ZNF475: variants seen among roughly 807,000 people sequenced by gnomAD.
ZNF475 encodes zinc finger protein 475.
the ZNF475 span, chr5:122,179,543 C>T: frequency 6.9e-7 from 1 of 1,458,142 alleles, no homozygotes; most frequent in South Asian, 1.3e-5. Context: ...TTTTATGTTA[C>T]TTGCAGCCAA....
the ZNF475 span, chr5:122,160,195 C>A: frequency 1.1e-5 from 14 of 1,288,444 alleles, no homozygotes; most frequent in Non-Finnish European, 1.4e-5. Flanking sequence ...TGGTGCCAAC[C>A]ATGCCTGCAT....
At chr5:122,164,711 C>T in the ZNF475 span, among the ~76,000 whole-genome samples, 3 of 152,128 alleles carry the variant, frequency 2.0e-5, no homozygotes, top group African/African-American at 7.2e-5. Context: ...ACCAAAAGTC[C>T]AGGATCCTAG....
chr5:122,175,329 C>G, the ZNF475 span, among the ~76,000 whole-genome samples: 455 of 152,264 alleles, frequency 3.0e-3, 2 homozygotes, highest in Middle Eastern at 0.01. Context: ...TAGGCTGATT[C>G]TAAGACATAC....
chr5:122,179,759 C>G, the ZNF475 span: 6 of 1,431,394 alleles, frequency 4.2e-6, no homozygotes, highest in Non-Finnish European at 5.5e-6. Context: ...GATTTGAGTG[C>G]ATAAGGGGAG....
the ZNF475 span, among the ~76,000 whole-genome samples, chr5:122,176,427 T>C: frequency 2.6e-5 from 4 of 152,174 alleles, no homozygotes; most frequent in African/African-American, 9.7e-5. Flanking sequence ...CAGAACAAAA[T>C]CAATGTTTTT....
the ZNF475 span, among the ~76,000 whole-genome samples, chr5:122,164,191 G>T: frequency 6.6e-6 from 1 of 152,124 alleles, no homozygotes; most frequent in Admixed American, 6.5e-5. Flanking sequence ...TGAGGAGAGG[G>T]ATTAGAAAAA....
the ZNF475 span, among the ~76,000 whole-genome samples, chr5:122,164,726 G>A: frequency 6.6e-6 from 1 of 152,152 alleles, no homozygotes; most frequent in African/African-American, 2.4e-5. Context: ...TCCTAGGGAG[G>A]CTGCACATCT....
the ZNF475 span, chr5:122,180,129 T>C: frequency 6.5e-6 from 1 of 152,896 alleles, no homozygotes; most frequent in South Asian, 2.1e-4. Flanking sequence ...TTTCCAAATA[T>C]GAATGTGTCT....
the ZNF475 span, chr5:122,182,625 C>A: frequency 2.6e-6 from 4 of 1,534,834 alleles, no homozygotes; most frequent in Non-Finnish European, 3.5e-6. Flanking sequence ...ATCTTGTAAA[C>A]CCAAAGCCGC....
chr5:122,178,762 G>A, the ZNF475 span, among the ~76,000 whole-genome samples: 5 of 152,038 alleles, frequency 3.3e-5, no homozygotes, highest in Non-Finnish European at 5.9e-5. Context: ...TGTCCATTTT[G>A]GCTTTTGTTG....
chr5:122,173,123 CT>C, the ZNF475 span, among the ~76,000 whole-genome samples: 16 of 152,012 alleles, frequency 1.1e-4, no homozygotes, highest in Non-Finnish European at 1.9e-4. Context: ...TTCATCATGT[CT>C]TTTATTAAAA....
At chr5:122,166,404 G>T in the ZNF475 span, among the ~76,000 whole-genome samples, 3 of 151,518 alleles carry the variant, frequency 2.0e-5, no homozygotes, top group African/African-American at 7.3e-5. Flanking sequence ...GTGCAGGTTT[G>T]TTACATATGT....
At chr5:122,160,216 C>T in the ZNF475 span, 23 of 1,289,594 alleles carry the variant, frequency 1.8e-5, no homozygotes, top group Non-Finnish European at 2.2e-5. Context: ...ATCAGGGCAG[C>T]ATTCTATGAT....
chr5:122,162,674 T>C, the ZNF475 span, among the ~76,000 whole-genome samples: 1 of 152,106 alleles, frequency 6.6e-6, no homozygotes, highest in Non-Finnish European at 1.5e-5. Context: ...CCTTTGCCTT[T>C]TAGCACCTTC....
At chr5:122,160,542 A>G in the ZNF475 span, among the ~76,000 whole-genome samples, 1 of 152,296 alleles carries the variant, frequency 6.6e-6, no homozygotes, top group East Asian at 1.9e-4. Context: ...AGACACTGTG[A>G]TAGATACAAC....
chr5:122,176,741 T>C, the ZNF475 span, among the ~76,000 whole-genome samples: 1 of 152,192 alleles, frequency 6.6e-6, no homozygotes, highest in Admixed American at 6.5e-5. Flanking sequence ...GTTTGGAGCT[T>C]GGAGGCTTTT....
At chr5:122,170,578 C>T in the ZNF475 span, among the ~76,000 whole-genome samples, 1 of 152,292 alleles carries the variant, frequency 6.6e-6, no homozygotes, top group South Asian at 2.1e-4. Context: ...GGGGTCACCA[C>T]ACTCCCAGCA....
chr5:122,177,488 T>C, the ZNF475 span, among the ~76,000 whole-genome samples: 1 of 152,210 alleles, frequency 6.6e-6, no homozygotes, highest in African/African-American at 2.4e-5. Flanking sequence ...AATCAATCAA[T>C]ATTAAATGAG....
the ZNF475 span, among the ~76,000 whole-genome samples, chr5:122,165,619 C>G: frequency 1.3e-4 from 20 of 152,100 alleles, 1 homozygote; most frequent in Non-Finnish European, 1.5e-5. Flanking sequence ...GCAGGATGTT[C>G]TATTACCTCT....
Sources: allele counts gnomAD v4.1 joint callset (sites outside exome capture counted in the v4.1 genomes callset), GRCh38; gene constraint gnomAD v4.1.1; transcripts MANE v1.5; gene names NCBI Gene and HGNC (gene_info 2026-07-23, HGNC 2026-07-21).